HFM1: variants seen among roughly 807,000 people sequenced by gnomAD.
HFM1 encodes the protein probable ATP-dependent DNA helicase HFM1.
HFM1 carries 169 observed loss-of-function variants against 192.1 expected under a neutral mutation model. That is an observed-to-expected ratio of 0.88 (90% CI 0.78 to 1.00). HFM1 has a LOEUF of 1.00. HFM1 is among the 50% of genes least tolerant of loss of function. HFM1 has a pLI of 0.00. For missense variants in HFM1, 1,661 were observed against 1,668.0 expected (o/e 1.00, Z 0.07); for synonymous variants, 525 against 537.8 (o/e 0.98, Z 0.33).
intron 28 of HFM1, 94 bp from the exon 29 acceptor site, chr1:91,314,154 T>C: frequency 5.8e-6 from 4 of 690,444 alleles, no homozygotes; most frequent in East Asian, 2.8e-5. Context: ...AGATACTCTC[T>C]AGTAGTAAAC....
chr1:91,386,968 G>C (rs1046818046), intron 4 of HFM1, among the ~76,000 whole-genome samples: 2 of 152,140 alleles, frequency 1.3e-5, no homozygotes, highest in Admixed American at 1.3e-4. Flanking sequence ...TTCAATGTAA[G>C]AACTACTTCT....
intron 30 of HFM1, among the ~76,000 whole-genome samples, chr1:91,304,112 C>T (rs1163761511): frequency 2.6e-5 from 4 of 152,108 alleles, no homozygotes; most frequent in African/African-American, 9.7e-5. Flanking sequence ...GCCTCGGCCT[C>T]CCAAAGTGTT....
chr1:91,347,478 T>A lies in HFM1; in HGVS notation c.2207-2A>T, dbSNP rs1455405175. On this transcript the variant is annotated splice_acceptor_variant, in intron 18 of 38. Coordinates refer to ENST00000370425, the MANE Select transcript of HFM1 (RefSeq NM_001017975.6). LOFTEE classifies it high-confidence loss of function. ...CTTTGTTCAATCCAGATGCAAAACC[T>A]GCATGTCATGAAAAAGTAAAATAGA... The A allele has an allele frequency of 1.9e-6, 3 of 1,582,998 alleles. No homozygotes were observed. The highest frequency in any genetic ancestry group is 2.6e-6 in the Non-Finnish European group (3 of 1,162,376).
intron 13 of HFM1, among the ~76,000 whole-genome samples, chr1:91,366,411 T>C (rs1178501424): frequency 1.3e-5 from 2 of 152,192 alleles, no homozygotes; most frequent in Non-Finnish European, 2.9e-5. Flanking sequence ...CCCCACATCT[T>C]GTTTCTGACA....
rs142208706 is a variant in HFM1, at chr1:91,271,689, A to G, written c.3772+2023T>C. Among the ~76,000 whole-genome samples the G allele has an allele frequency of 3.4e-3, 511 of 152,144 alleles. 4 individuals carry two copies. Among genetic ancestry groups the G allele is most frequent in the Non-Finnish European group, 5.4e-3 (365 of 67,978 alleles). On this transcript the variant is annotated intron_variant, in intron 34 of 38. Transcript: ENST00000370425. ...ATAAGTTTTCTTTTAAGACAAATAG[A>G]TGGTTACAGATGGATGCAGAGACAG...
chr1:91,313,649 C>T (rs1416775779), intron 29 of HFM1, among the ~76,000 whole-genome samples, 154 bp from the exon 30 acceptor site: 1 of 151,802 alleles, frequency 6.6e-6, no homozygotes, highest in Non-Finnish European at 1.5e-5. Context: ...AAAAATATGA[C>T]AACTAAAAAA....
chr1:91,399,310 C>G (rs570791907), intron 2 of HFM1, among the ~76,000 whole-genome samples: 9 of 151,988 alleles, frequency 5.9e-5, no homozygotes, highest in African/African-American at 2.2e-4. Flanking sequence ...TAGAGAGAAA[C>G]AGATAAGCAA....
chr1:91,270,041 A>C (rs930726376), intron 34 of HFM1, among the ~76,000 whole-genome samples: 1 of 152,152 alleles, frequency 6.6e-6, no homozygotes, highest in South Asian at 2.1e-4. Flanking sequence ...ACTATTGAAG[A>C]TGTTTCAGCA....
intron 20 of HFM1, among the ~76,000 whole-genome samples, chr1:91,330,366 T>C (rs1653635348): frequency 6.6e-6 from 1 of 152,176 alleles, no homozygotes; most frequent in Admixed American, 6.5e-5. Context: ...TAGTGGCTAC[T>C]AGCAGCAACT....
chr1:91,375,209 A>T (rs1660762442), intron 13 of HFM1, 149 bp downstream of exon 13: 1 of 602,592 alleles, frequency 1.7e-6, no homozygotes, highest in East Asian at 2.8e-5. Flanking sequence ...TCACTATCTC[A>T]CTTAATCCTC....
At chr1:91,353,027 C>T (rs200504264) in intron 15 of HFM1, 24 bp downstream of exon 15, 1 of 1,388,020 alleles carries the variant, frequency 7.2e-7, no homozygotes, top group Non-Finnish European at 1.0e-6. Context: ...TTTATAGTAT[C>T]CACGAGAAAT....
intron 30 of HFM1, among the ~76,000 whole-genome samples, chr1:91,302,790 G>C (rs1390198253): frequency 1.3e-5 from 2 of 150,840 alleles, no homozygotes; most frequent in African/African-American, 4.9e-5. Flanking sequence ...TGTGGGGTGG[G>C]GGGGAGGGGG....
chr1:91,273,648 A>G, intron 34 of HFM1, 64 bp downstream of exon 34: 1 of 806,612 alleles, frequency 1.2e-6, no homozygotes, highest in Admixed American at 2.1e-5. Flanking sequence ...CAATAACACT[A>G]CTCGTCAATT....
intron 30 of HFM1, among the ~76,000 whole-genome samples, chr1:91,287,311 T>A (rs551283992): frequency 6.6e-6 from 1 of 152,238 alleles, no homozygotes; most frequent in Admixed American, 6.5e-5. Flanking sequence ...CAGCTGGAGA[T>A]CTGAGAAGGG....
intron 30 of HFM1, among the ~76,000 whole-genome samples, chr1:91,302,800 G>A (rs1286167345): frequency 1.4e-5 from 2 of 138,810 alleles, no homozygotes; most frequent in Admixed American, 7.2e-5. Context: ...GGGGGAGGGG[G>A]AAGGGATAGC....
intron 13 of HFM1, 100 bp from the exon 14 acceptor site, chr1:91,353,399 TCA>T: frequency 1.6e-6 from 1 of 620,602 alleles, no homozygotes; most frequent in Non-Finnish European, 2.8e-6. Context: ...CAAAAAATTT[TCA>T]CAATATCATT....
intron 30 of HFM1, among the ~76,000 whole-genome samples, chr1:91,298,840 A>T (rs1377534672): frequency 1.3e-5 from 2 of 152,216 alleles, no homozygotes; most frequent in Non-Finnish European, 2.9e-5. Flanking sequence ...AAACATGCCA[A>T]ATTGTAAAGA....
chr1:91,355,149 T>C (rs921434594), intron 13 of HFM1, among the ~76,000 whole-genome samples: 1 of 152,072 alleles, frequency 6.6e-6, no homozygotes, highest in Non-Finnish European at 1.5e-5. Context: ...TTTAAAATAG[T>C]CTATTATAAC....
At chr1:91,306,121 G>A (rs1197279278) in intron 30 of HFM1, among the ~76,000 whole-genome samples, 7 of 152,036 alleles carry the variant, frequency 4.6e-5, no homozygotes. Context: ...ATTACCTGAG[G>A]TTGGGAGTTC....
Sources: allele counts gnomAD v4.1 joint callset (sites outside exome capture counted in the v4.1 genomes callset), GRCh38; gene constraint gnomAD v4.1.1; transcripts MANE v1.5; gene names NCBI Gene and HGNC (gene_info 2026-07-23, HGNC 2026-07-21).